Variants in SYT1 observed in about 807,000 individuals in gnomAD.
The protein encoded by SYT1 is synaptotagmin-1.
Under a neutral mutation model 44.8 loss-of-function variants are expected in SYT1, and 8 were observed. That is an observed-to-expected ratio of 0.18 (90% CI 0.10 to 0.32). SYT1 has a LOEUF of 0.32. SYT1 is among the 10% of genes least tolerant of loss of function. The probability of loss-of-function intolerance (pLI) is 1.00; values close to 1 mark genes in which losing one functional copy is unlikely to be tolerated. For missense variants in SYT1, 286 were observed against 509.3 expected, an observed-to-expected ratio of 0.56 and a Z score of 4.22; for synonymous variants, 154 against 188.8, an observed-to-expected ratio of 0.82 and a Z score of 1.51.
At chr12:79,194,399 A>G (rs74107343) in intron 3 of SYT1, among the ~76,000 whole-genome samples, 63 of 152,120 alleles carry the variant, frequency 4.1e-4, no homozygotes, top group African/African-American at 1.5e-3. Flanking sequence ...GGCTTGTTAA[A>G]CTCAGTTGCA....
chr12:79,152,017 G>A (rs1870304536), intron 3 of SYT1, among the ~76,000 whole-genome samples: 2 of 152,128 alleles, frequency 1.3e-5, no homozygotes, highest in Non-Finnish European at 1.5e-5. Flanking sequence ...GAGGAAGAGT[G>A]AGCACAAAGC....
intron 4 of SYT1, among the ~76,000 whole-genome samples, chr12:79,271,319 T>C (rs183485669): frequency 4.3e-4 from 66 of 152,298 alleles, no homozygotes; most frequent in Middle Eastern, 3.4e-3. Context: ...TAATGACGTT[T>C]TTCCATCCGA....
chr12:79,150,054 A>T (rs1870171228), intron 3 of SYT1, among the ~76,000 whole-genome samples: 2 of 152,186 alleles, frequency 1.3e-5, no homozygotes, highest in Non-Finnish European at 2.9e-5. Context: ...GTATATGTTG[A>T]TGGGGTCCAG....
chr12:79,172,775 A>T (rs1871606765), intron 3 of SYT1, among the ~76,000 whole-genome samples: 1 of 151,468 alleles, frequency 6.6e-6, no homozygotes, highest in African/African-American at 2.4e-5. Flanking sequence ...TCTTTCCCTT[A>T]TTTATTTTAC....
At chr12:79,224,840 C>T (rs919205182) in intron 4 of SYT1, among the ~76,000 whole-genome samples, 3 of 150,792 alleles carry the variant, frequency 2.0e-5, no homozygotes, top group Admixed American at 6.6e-5. Flanking sequence ...AATGCAATGG[C>T]GTGATCTCAG....
At chr12:79,072,478 T>G (rs1182333638) in intron 3 of SYT1, among the ~76,000 whole-genome samples, 2 of 152,150 alleles carry the variant, frequency 1.3e-5, no homozygotes, top group Non-Finnish European at 2.9e-5. Flanking sequence ...ATTTTATCTA[T>G]AAGTTATTTA....
At chr12:79,386,311 T>G (rs75408188) in intron 9 of SYT1, among the ~76,000 whole-genome samples, 3 of 33,930 alleles carry the variant, frequency 8.8e-5, no homozygotes, top group Non-Finnish European at 3.1e-4. Context: ...CATTTTTGGG[T>G]TTTTTTTTTT....
intron 2 of SYT1, among the ~76,000 whole-genome samples, chr12:78,983,016 T>C (rs1869382416): frequency 6.6e-6 from 1 of 152,030 alleles, no homozygotes; most frequent in Non-Finnish European, 1.5e-5. Context: ...AATATATAAA[T>C]AATAAGACCC....
intron 1 of SYT1, among the ~76,000 whole-genome samples, 178 bp downstream of exon 1, chr12:78,865,287 A>C (rs1195100078): frequency 6.6e-6 from 1 of 152,120 alleles, no homozygotes; most frequent in Non-Finnish European, 1.5e-5. Flanking sequence ...CTCCTGGAAA[A>C]GCACTTTGCA....
At chr12:78,934,158 G>T (rs1405476038) in intron 1 of SYT1, among the ~76,000 whole-genome samples, 2 of 148,630 alleles carry the variant, frequency 1.3e-5, no homozygotes, top group Non-Finnish European at 3.0e-5. Flanking sequence ...ATGTGCGTGT[G>T]TACACACACA....
At chr12:79,016,501 C>CTA (rs1403239395) in intron 2 of SYT1, among the ~76,000 whole-genome samples, 7 of 152,078 alleles carry the variant, frequency 4.6e-5, no homozygotes, top group African/African-American at 7.2e-5. Context: ...GCAACTTAAA[C>CTA]TACATAGAGG....
At chr12:78,960,327 G>A (rs1879435209) in intron 1 of SYT1, 1 of 152,040 alleles carries the variant, frequency 6.6e-6, no homozygotes, top group South Asian at 2.1e-4. Flanking sequence ...CAGCAATCTG[G>A]CAATATAGTG....
At chr12:79,206,576 A>T (rs896669071) in intron 3 of SYT1, among the ~76,000 whole-genome samples, 3 of 152,234 alleles carry the variant, frequency 2.0e-5, no homozygotes, top group Admixed American at 6.5e-5. Flanking sequence ...TGTTTAATCC[A>T]TCACTCAACC....
At chr12:79,425,969 C>G (rs1291482008) in intron 9 of SYT1, among the ~76,000 whole-genome samples, 1 of 152,048 alleles carries the variant, frequency 6.6e-6, no homozygotes, top group East Asian at 1.9e-4. Flanking sequence ...TATGTCTACT[C>G]TCTTATTCAA....
chr12:78,994,659 C>T (rs1347512346), intron 2 of SYT1, among the ~76,000 whole-genome samples: 1 of 151,546 alleles, frequency 6.6e-6, no homozygotes, highest in Non-Finnish European at 1.5e-5. Context: ...CCTCAGCCTC[C>T]TGAGGAGCTG....
rs1878766756 is a variant in SYT1, at chr12:79,276,955, GGAGGAGGAGGAGGAGGAAGA to G, written c.167-8830_167-8811del. ...GAAGGAGAAGAAGAAGAAGGAAGAAGGAGGAGGAGGAGGAGGAAGAGGAGGAGGAGGAGGGAGAAGGAGGA... is the reference window on the plus strand; with the variant it reads ...GAAGGAGAAGAAGAAGAAGGAAGAAGGGAGGAGGAGGAGGGAGAAGGAGGA... On this transcript the variant is annotated intron_variant, in intron 4 of 10. Transcript: ENST00000261205. Among the ~76,000 whole-genome samples the G allele has an allele frequency of 3.4e-5, 5 of 147,754 alleles. 1 individual carries two copies. In the South Asian group the frequency reaches 1.1e-3, roughly 32 times the overall value.
intron 2 of SYT1, among the ~76,000 whole-genome samples, chr12:79,002,096 G>C (rs1186765380): frequency 6.6e-6 from 1 of 151,848 alleles, no homozygotes; most frequent in South Asian, 2.1e-4. Context: ...ATGTTTATAG[G>C]TCCCTTTTAT....
chr12:78,876,749 T>TATTATATAATACATATAATATATTATA (rs1874115653), intron 1 of SYT1, among the ~76,000 whole-genome samples: 1 of 70,400 alleles, frequency 1.4e-5, no homozygotes, highest in South Asian at 4.6e-4. Flanking sequence ...ATATTATATA[T>TATTATATAATACATATAATATATTATA]TGTATATTAT....
chr12:79,083,110 T>C (rs1408768935), intron 3 of SYT1, among the ~76,000 whole-genome samples: 1 of 149,624 alleles, frequency 6.7e-6, no homozygotes, highest in Non-Finnish European at 1.5e-5. Context: ...AGAAGAAAAA[T>C]AGGTAAAAGA....
Sources: gnomAD v4.1 joint callset for allele counts (sites outside exome capture counted in the v4.1 genomes callset) on GRCh38, gnomAD v4.1.1 for gene constraint, MANE v1.5 for transcripts, NCBI Gene and HGNC (gene_info 2026-07-23, HGNC 2026-07-21) for gene names.